MORC1: variants seen among roughly 807,000 people sequenced by gnomAD.
MORC1 encodes the protein MORC family CW-type zinc finger 1, also known as MORC family CW-type zinc finger protein 1.
Under a neutral mutation model 134.9 loss-of-function variants are expected in MORC1, and 59 were observed. That is an observed-to-expected ratio of 0.44 (90% CI 0.35 to 0.54). MORC1 has a LOEUF of 0.54. Among genes scored for constraint, MORC1 ranks in the 20% least tolerant of loss-of-function variants. The pLI is 0.00. For missense variants in MORC1, 947 were observed against 1,134.5 expected (o/e 0.83, Z 2.37); for synonymous variants, 395 against 391.7 (o/e 1.01, Z -0.10).
intron 23 of MORC1, among the ~76,000 whole-genome samples, chr3:108,981,307 C>T (rs1183721039): frequency 6.6e-6 from 1 of 152,066 alleles, no homozygotes; most frequent in Non-Finnish European, 1.5e-5. Context: ...AATTGGATAA[C>T]AGTTTATATC....
chr3:109,053,150 G>A (rs528395814), intron 14 of MORC1, among the ~76,000 whole-genome samples: 47 of 151,936 alleles, frequency 3.1e-4, no homozygotes, highest in Non-Finnish European at 6.8e-4. Context: ...GGAGAGAAAG[G>A]GACACTTACA....
chr3:109,030,374 G>A (rs1198905587), intron 16 of MORC1, among the ~76,000 whole-genome samples: 2 of 152,154 alleles, frequency 1.3e-5, no homozygotes, highest in Non-Finnish European at 2.9e-5. Flanking sequence ...TCAAAGAACT[G>A]AGCAAGGTCA....
chr3:109,075,808 A>C (rs1437357960), intron 8 of MORC1, among the ~76,000 whole-genome samples: 1 of 58,540 alleles, frequency 1.7e-5, no homozygotes, highest in Non-Finnish European at 3.9e-5. Flanking sequence ...ATGGAATTTA[A>C]AATAGTTTTT....
chr3:108,963,385 T>A (rs931299486), intron 27 of MORC1, 29 bp downstream of exon 27: 1 of 1,581,114 alleles, frequency 6.3e-7, no homozygotes, highest in Non-Finnish European at 8.6e-7. Context: ...AGTCTACTCC[T>A]ACTGCTCAAA....
chr3:109,040,926 TA>T (rs1246430775), intron 14 of MORC1, among the ~76,000 whole-genome samples: 1 of 150,110 alleles, frequency 6.7e-6, no homozygotes, highest in Non-Finnish European at 1.5e-5. Context: ...ATATAGAACT[TA>T]AAAAGAAAAT....
In MORC1 at chr3:109,054,729, G is replaced by A; in HGVS notation, c.1329C>T (p.Ile443=). 6.5e-7 allele frequency: 1 copy of A among 1,537,826 alleles called. No homozygotes were observed. Among genetic ancestry groups the A allele is most frequent in the Non-Finnish European group, 8.7e-7 (1 of 1,152,120 alleles). ...YLVQYCKDTG[I]NNRNLTLFCN... Reference sequence around the variant, plus strand: ...CTACTATGACTATTGAATACTCACTGATGCCGGTGTCCTTACAGTACTGGA... The same window carrying A: ...CTACTATGACTATTGAATACTCACTAATGCCGGTGTCCTTACAGTACTGGA... The change falls in exon 14 of 28, where the codon ATC becomes ATT. Residue 443 remains isoleucine (I), a splice_region_variant and synonymous_variant. Transcript: ENST00000232603.
chr3:108,968,779 G>A (rs1947287722), intron 26 of MORC1, among the ~76,000 whole-genome samples: 1 of 152,132 alleles, frequency 6.6e-6, no homozygotes, highest in South Asian at 2.1e-4. Context: ...TAGTGATTAG[G>A]TGAGAAAGCA....
At chr3:109,030,365 C>G (rs1203121277) in intron 16 of MORC1, among the ~76,000 whole-genome samples, 1 of 152,162 alleles carries the variant, frequency 6.6e-6, no homozygotes, top group African/African-American at 2.4e-5. Flanking sequence ...CATTTTGAAT[C>G]AAAGAACTGA....
chr3:108,996,612 G>C (rs911972900), intron 21 of MORC1, among the ~76,000 whole-genome samples: 1 of 152,188 alleles, frequency 6.6e-6, no homozygotes, highest in Non-Finnish European at 1.5e-5. Context: ...AACTTCTACA[G>C]CTCCAAATGA....
At chr3:109,006,968 G>C (rs1948554270) in intron 18 of MORC1, 61 bp downstream of exon 18, 13 of 1,401,578 alleles carry the variant, frequency 9.3e-6, no homozygotes, top group Middle Eastern at 1.8e-4. Context: ...CCTTGATAAG[G>C]CTTCTCCTTC....
chr3:109,003,503 T>C (rs913115963), intron 20 of MORC1, among the ~76,000 whole-genome samples: 7 of 151,976 alleles, frequency 4.6e-5, no homozygotes, highest in Non-Finnish European at 7.4e-5. Flanking sequence ...TCCCAACTTC[T>C]CAATGGACTG....
rs1251618407 is a variant in MORC1, at chr3:109,004,818, T to C, written c.2084A>G (p.Gln695Arg). Residue 695 changes from glutamine to arginine, a missense_variant and splice_region_variant, in exon 20 of 28, where the codon CAG (glutamine) becomes CGG (arginine). Gln to Arg is a conservative substitution (Grantham distance 43). Around this residue, in one of 3 missense-constraint regions of MORC1, gnomAD observed 722 missense variants for 817.0 expected, o/e 0.88. Transcript: ENST00000232603. ...QPTEGCLKNA[Q>R]AASWEMKRKQ... ...ACAAATTTAAAAGCCTTTTCCCACC[T>C]GGGCATTCTTCAGGCACCCTTCAGT... The C allele has an allele frequency of 6.2e-7, 1 of 1,613,228 alleles. No individual in the cohort carries two copies. Among genetic ancestry groups the C allele is most frequent in the South Asian group, 1.1e-5 (1 of 90,836 alleles).
intron 8 of MORC1, among the ~76,000 whole-genome samples, chr3:109,073,845 A>C (rs1456642592): frequency 6.6e-6 from 1 of 152,194 alleles, no homozygotes; most frequent in Non-Finnish European, 1.5e-5. Flanking sequence ...TGAACTTTGA[A>C]GGGGGTAACC....
At chr3:109,035,271 C>T (rs1003044637) in intron 15 of MORC1, 69 bp downstream of exon 15, 2 of 1,418,380 alleles carry the variant, frequency 1.4e-6, no homozygotes, top group Non-Finnish European at 1.9e-6. Flanking sequence ...TCCCTCATTT[C>T]TTAACACAAT....
chr3:109,111,096 A>T (rs1951160853), intron 2 of MORC1, among the ~76,000 whole-genome samples: 1 of 151,656 alleles, frequency 6.6e-6, no homozygotes, highest in Non-Finnish European at 1.5e-5. Context: ...CAAATAATCC[A>T]GAAGTCATGG....
intron 24 of MORC1, among the ~76,000 whole-genome samples, chr3:108,974,787 G>T (rs757545494): frequency 6.6e-6 from 1 of 152,170 alleles, no homozygotes; most frequent in Non-Finnish European, 1.5e-5. Context: ...AAGAATTCAA[G>T]AAATAAATAT....
intron 14 of MORC1, chr3:109,049,032 C>T (rs1466342999): frequency 6.7e-6 from 4 of 601,358 alleles, no homozygotes; most frequent in Non-Finnish European, 8.3e-6. Context: ...TCTTTAACTT[C>T]AAAAACTGAA....
intron 21 of MORC1, among the ~76,000 whole-genome samples, chr3:108,991,271 T>G (rs1008683183): frequency 6.6e-6 from 1 of 152,184 alleles, no homozygotes; most frequent in African/African-American, 2.4e-5. Context: ...GTAAGATGAT[T>G]TATAGGAGTA....
At chr3:109,083,695 C>G (rs578162684) in intron 8 of MORC1, among the ~76,000 whole-genome samples, 1 of 152,222 alleles carries the variant, frequency 6.6e-6, no homozygotes, top group East Asian at 1.9e-4. Flanking sequence ...CAAAACCAGA[C>G]AAATACAACC....
Sources: allele counts gnomAD v4.1 joint callset (sites outside exome capture counted in the v4.1 genomes callset), GRCh38; gene constraint gnomAD v4.1.1; regional missense constraint gnomAD v4.1.1; transcripts MANE v1.5; gene names NCBI Gene and HGNC (gene_info 2026-07-23, HGNC 2026-07-21).